SEL1L2: variants seen among roughly 807,000 people sequenced by gnomAD.
The protein encoded by SEL1L2 is SEL1L2 adaptor subunit of SYVN1 ubiquitin ligase, also known as protein sel-1 homolog 2.
A neutral mutation model predicts 98.8 loss-of-function variants in SEL1L2; 89 were observed. The observed-to-expected ratio is 0.90, with a 90% CI of 0.76 to 1.07. SEL1L2 has a LOEUF of 1.07. SEL1L2 is among the 50% of genes least tolerant of loss of function. SEL1L2 has a pLI of 0.00. For synonymous variants in SEL1L2, 262 were observed against 278.5 expected (o/e 0.94, Z 0.59); for missense variants, 788 against 812.0 (o/e 0.97, Z 0.36).
At chr20:13,893,195 C>G (rs567653551) in intron 5 of SEL1L2, among the ~76,000 whole-genome samples, 1 of 152,264 alleles carries the variant, frequency 6.6e-6, no homozygotes, top group East Asian at 1.9e-4. Context: ...CCTTTATAAT[C>G]TCCAACTTTC....
At chr20:13,952,633 G>A (rs538447989) in intron 2 of SEL1L2, among the ~76,000 whole-genome samples, 2 of 152,242 alleles carry the variant, frequency 1.3e-5, no homozygotes, top group African/African-American at 4.8e-5. Context: ...GGAAGAGAAG[G>A]GAACCAGGGA....
intron 1 of SEL1L2, among the ~76,000 whole-genome samples, chr20:13,989,898 A>G (rs1422923421): frequency 6.6e-6 from 1 of 152,172 alleles, no homozygotes; most frequent in Non-Finnish European, 1.5e-5. Context: ...AGCAGGGACC[A>G]AATACATATT....
chr20:13,966,712 G>A (rs2051059588), intron 1 of SEL1L2, among the ~76,000 whole-genome samples: 1 of 152,118 alleles, frequency 6.6e-6, no homozygotes, highest in Non-Finnish European at 1.5e-5. Flanking sequence ...ACCTCCCTGA[G>A]CCTCAGTTTT....
intron 3 of SEL1L2, among the ~76,000 whole-genome samples, chr20:13,922,475 C>A (rs185008109): frequency 8.5e-4 from 130 of 152,296 alleles, no homozygotes; most frequent in Non-Finnish European, 1.8e-3. Context: ...TCCTGACACA[C>A]ATAAGGGCAA....
intron 2 of SEL1L2, among the ~76,000 whole-genome samples, chr20:13,955,593 A>G (rs2050498210): frequency 6.6e-6 from 1 of 152,194 alleles, no homozygotes; most frequent in Non-Finnish European, 1.5e-5. Context: ...TCAGTGTGAG[A>G]TGGAAATTCA....
At chr20:13,977,106 A>AT (rs1413609674) in intron 1 of SEL1L2, among the ~76,000 whole-genome samples, 1 of 152,216 alleles carries the variant, frequency 6.6e-6, no homozygotes, top group Non-Finnish European at 1.5e-5. Context: ...TTGAAAACAA[A>AT]TGTTGATTTA....
chr20:13,987,994 G>A (rs967069044), intron 1 of SEL1L2, among the ~76,000 whole-genome samples: 4 of 152,080 alleles, frequency 2.6e-5, no homozygotes, highest in Non-Finnish European at 5.9e-5. Context: ...ATCCAGTTTG[G>A]TTTTTCCTTT....
intron 5 of SEL1L2, among the ~76,000 whole-genome samples, chr20:13,894,876 A>G (rs2047355464): frequency 6.6e-6 from 1 of 152,238 alleles, no homozygotes; most frequent in African/African-American, 2.4e-5. Context: ...AGAAAAGCCC[A>G]GGACCAAATG....
chr20:13,971,807 A>T (rs1323895935), intron 1 of SEL1L2, among the ~76,000 whole-genome samples: 1 of 152,102 alleles, frequency 6.6e-6, no homozygotes, highest in Non-Finnish European at 1.5e-5. Flanking sequence ...TTTTGTCCTA[A>T]ATAAATGGAC....
chr20:13,913,681 T>C (rs1216438083), intron 5 of SEL1L2, 101 bp downstream of exon 5: 1 of 1,105,720 alleles, frequency 9.0e-7, no homozygotes, highest in Non-Finnish European at 1.2e-6. Context: ...ACTGGGTTCA[T>C]GCAGCAGAGC....
intron 19 of SEL1L2, chr20:13,849,927 G>C: frequency 1.8e-6 from 1 of 551,556 alleles, no homozygotes; most frequent in East Asian, 3.1e-5. Flanking sequence ...TATAGCACAT[G>C]TCACTGTGCT....
intron 1 of SEL1L2, among the ~76,000 whole-genome samples, chr20:13,962,904 A>G (rs532394822): frequency 6.6e-6 from 1 of 152,164 alleles, no homozygotes; most frequent in African/African-American, 2.4e-5. Context: ...TCTCTGCTAA[A>G]AAATATACAA....
chr20:13,983,504 GTTTT>G (rs992226635), intron 1 of SEL1L2, among the ~76,000 whole-genome samples: 4 of 151,760 alleles, frequency 2.6e-5, no homozygotes, highest in African/African-American at 4.8e-5. Flanking sequence ...ACTAGCTTTT[GTTTT>G]TTGTTTTGTT....
At chr20:13,853,256 T>C (rs1988571154) in intron 18 of SEL1L2, among the ~76,000 whole-genome samples, 1 of 152,112 alleles carries the variant, frequency 6.6e-6, no homozygotes. Context: ...TGGAGTACGG[T>C]GGCAGGCTTT....
Position 13,887,975 on chromosome 20 carries a change from A to G in SEL1L2, c.630T>C (p.Ser210=). 6.2e-7 allele frequency: 1 copy of G among 1,613,802 alleles called. No individual in the cohort carries two copies. The highest frequency in any genetic ancestry group is 8.5e-7 in the Non-Finnish European group (1 of 1,179,884). Residue 210 remains serine, a synonymous_variant, in exon 7 of 20, where the codon AGT becomes AGC. Coordinates refer to ENST00000284951, the MANE Select transcript of SEL1L2 (RefSeq NM_025229.2). ...TCTGGGACATCATGTTTCCTCCAGC[A>G]CTTCCAAAGGTGTAATATATCAGTG... is the stretch of plus-strand genomic sequence containing the variant. ...AKALIYYTFG[S]AGGNMMSQMI...
chr20:13,886,308 T>C lies in SEL1L2; in HGVS notation c.880A>G (p.Arg294Gly), dbSNP rs1313180761. The C allele has an allele frequency of 4.3e-6, 7 of 1,610,906 alleles. No homozygotes were observed. The highest frequency in any genetic ancestry group is 5.9e-6 in the Non-Finnish European group (7 of 1,178,504). The change falls in exon 9 of 20, where the codon AGA (arginine) becomes GGA (glycine). Residue 294 changes from arginine (R) to glycine (G), a missense_variant. Physicochemically the swap from Arg to Gly is moderately radical, Grantham distance 125 (BLOSUM62 -2). Transcript: ENST00000284951. Reference sequence around the variant, plus strand: ...ATTACTTGTATCTGAACATCTCCTCTTTCTGCCAAAAATTTATAGTATTGG... The same window carrying C: ...ATTACTTGTATCTGAACATCTCCTCCTTCTGCCAAAAATTTATAGTATTGG... ...IYQYYKFLAE[R>G]GDVQIQVSLG...
At position 13,919,881 on chromosome 20, in the gene SEL1L2, C is replaced by A. The variant is rs193071819; in HGVS notation, c.284-758G>T. 8.6e-5 allele frequency among the ~76,000 whole-genome samples: 13 copies of A among 150,376 alleles called. No homozygotes were observed. In the East Asian group the frequency reaches 2.6e-3, roughly 30 times the overall value. ...CGGAGGTTGCAGTGAGCTGAGGTTGCACCACTGCACTCCAGCCTAGGTGAC... is the reference window on the plus strand; with the variant it reads ...CGGAGGTTGCAGTGAGCTGAGGTTGAACCACTGCACTCCAGCCTAGGTGAC... On this transcript the variant is annotated intron_variant, in intron 3 of 19. Coordinates refer to ENST00000284951, the MANE Select transcript of SEL1L2 (RefSeq NM_025229.2).
At chr20:13,849,813 CTT>C (rs1270706129) in intron 19 of SEL1L2, among the ~76,000 whole-genome samples, 11 of 152,204 alleles carry the variant, frequency 7.2e-5, no homozygotes, top group Non-Finnish European at 1.6e-4. Flanking sequence ...GATTTAGACA[CTT>C]TACTTTTTTT....
intron 5 of SEL1L2, 35 bp downstream of exon 5, chr20:13,913,745 GGA>G: frequency 1.4e-6 from 2 of 1,469,486 alleles, no homozygotes. Context: ...ATTTCAGGAT[GGA>G]GCTATTTAAG....
Sources: gnomAD v4.1 joint callset for allele counts (sites outside exome capture counted in the v4.1 genomes callset) on GRCh38, gnomAD v4.1.1 for gene constraint, MANE v1.5 for transcripts, NCBI Gene and HGNC (gene_info 2026-07-23, HGNC 2026-07-21) for gene names.